Variants in DEPDC5 observed in about 807,000 individuals in gnomAD.
DEPDC5 encodes GATOR1 complex protein DEPDC5.
DEPDC5 carries 73 observed loss-of-function variants against 217.3 expected under a neutral mutation model. The observed-to-expected ratio is 0.34, with a 90% CI of 0.28 to 0.41. The LOEUF (loss-of-function observed/expected upper bound fraction) is 0.41. Ranked by LOEUF, DEPDC5 falls within the 10% of genes least tolerant of loss-of-function variation. DEPDC5 has a pLI of 1.00. For missense variants in DEPDC5, 1,675 were observed against 2,070.1 expected (o/e 0.81, Z 3.70); for synonymous variants, 733 against 756.7 (o/e 0.97, Z 0.51).
intron 38 of DEPDC5, among the ~76,000 whole-genome samples, chr22:31,881,043 G>T (rs572081649): frequency 1.1e-4 from 16 of 151,508 alleles, no homozygotes; most frequent in African/African-American, 3.4e-4. Context: ...CAAACGCTGT[G>T]GCTCATGCCT....
At chr22:31,807,464 C>G (rs535680281) in intron 18 of DEPDC5, among the ~76,000 whole-genome samples, 1 of 152,326 alleles carries the variant, frequency 6.6e-6, no homozygotes, top group East Asian at 1.9e-4. Flanking sequence ...TGGAATCTTG[C>G]TCTGTCTCCC....
At chr22:31,880,971 C>T (rs748646117) in intron 38 of DEPDC5, among the ~76,000 whole-genome samples, 17 of 150,144 alleles carry the variant, frequency 1.1e-4, no homozygotes, top group African/African-American at 2.9e-4. Context: ...GCCGAGATCG[C>T]GCCACTGTAC....
At chr22:31,905,654 C>T (rs1019792956) in intron 41 of DEPDC5, among the ~76,000 whole-genome samples, 4 of 151,728 alleles carry the variant, frequency 2.6e-5, no homozygotes, top group African/African-American at 4.8e-5. Context: ...GTAGGAGGGA[C>T]GGGCTGTCTG....
In DEPDC5 at chr22:31,797,500, G is replaced by T; in HGVS notation, c.768-100G>T. The T allele has an allele frequency of 4.2e-6, 4 of 946,960 alleles. No homozygotes were observed. The South Asian group carries it at 5.7e-5, about 13-fold the overall frequency. The allele number at this position is 946,960 out of a possible 1,614,324, so 58.7% of individuals were successfully genotyped here. A position where few individuals can be genotyped will look rare whatever the true frequency, so the allele number is the denominator to read the frequency against. On this transcript the variant is annotated intron_variant, in intron 12 of 42. Transcript: ENST00000651528. Reference sequence around the variant, plus strand: ...TCACCTCCCACCAGGTTCCTCCCTCGACACATGGGTATTACAATTTGAGAT... The same window carrying T: ...TCACCTCCCACCAGGTTCCTCCCTCTACACATGGGTATTACAATTTGAGAT...
chr22:31,861,497 G>T (rs1040200159), intron 33 of DEPDC5, 64 bp downstream of exon 33: 3 of 1,521,658 alleles, frequency 2.0e-6, no homozygotes, highest in Non-Finnish European at 2.7e-6. Flanking sequence ...CTGGCCTTCT[G>T]TTAGGCTCTG....
intron 31 of DEPDC5, among the ~76,000 whole-genome samples, chr22:31,855,052 C>T (rs1315776483): frequency 1.3e-5 from 2 of 151,216 alleles, no homozygotes; most frequent in Non-Finnish European, 2.9e-5. Flanking sequence ...GCAACCTCTG[C>T]CTCCCAGGTT....
intron 31 of DEPDC5, among the ~76,000 whole-genome samples, chr22:31,850,820 C>T (rs1329114524): frequency 1.3e-5 from 2 of 152,158 alleles, no homozygotes; most frequent in African/African-American, 2.4e-5. Context: ...CCTGTAATCC[C>T]AGCACTTTGG....
chr22:31,774,826 G>T (rs1299220794), intron 7 of DEPDC5, among the ~76,000 whole-genome samples: 3 of 151,990 alleles, frequency 2.0e-5, no homozygotes, highest in African/African-American at 7.2e-5. Flanking sequence ...GTTTTACCAC[G>T]TTGGCCAGGA....
At chr22:31,855,884 G>T (rs1281993189) in intron 31 of DEPDC5, among the ~76,000 whole-genome samples, 13 of 152,076 alleles carry the variant, frequency 8.5e-5, no homozygotes, top group Non-Finnish European at 1.6e-4. Context: ...TGCATCCCTG[G>T]TATGTGATTA....
At position 31,819,990 on chromosome 22, in the gene DEPDC5, A is replaced by T. The variant is rs577719414; in HGVS notation, c.1870+765A>T. 2.0e-5 allele frequency among the ~76,000 whole-genome samples: 3 copies of T among 152,094 alleles called. No homozygotes were observed. In the South Asian group the frequency reaches 6.2e-4, roughly 32 times the overall value. On this transcript the variant is annotated intron_variant, in intron 22 of 42. Transcript: ENST00000651528. The stretch of plus-strand genomic sequence containing the variant: ...ACTTTTTCCTAGTCCATTCTTTTTT[A>T]TCTATATTCTGTTCTCAAGAAGATG...
intron 41 of DEPDC5, among the ~76,000 whole-genome samples, chr22:31,902,853 CA>C (rs1354736348): frequency 3.3e-5 from 5 of 152,064 alleles, no homozygotes; most frequent in African/African-American, 9.7e-5. Flanking sequence ...CAGCAGTCAC[CA>C]GGGGGGACCC....
At chr22:31,863,173 G>GT (rs1397799749) in intron 33 of DEPDC5, among the ~76,000 whole-genome samples, 3 of 151,734 alleles carry the variant, frequency 2.0e-5, no homozygotes, top group African/African-American at 7.3e-5. Flanking sequence ...GTGGTTTTTT[G>GT]TTTTTGTGTT....
intron 7 of DEPDC5, among the ~76,000 whole-genome samples, chr22:31,776,722 C>T (rs1262190550): frequency 6.6e-6 from 1 of 151,488 alleles, no homozygotes; most frequent in African/African-American, 2.4e-5. Flanking sequence ...TATAGGTACC[C>T]ACCACCATGC....
chr22:31,777,087 C>T (rs1401762821), intron 7 of DEPDC5, among the ~76,000 whole-genome samples: 1 of 148,474 alleles, frequency 6.7e-6, no homozygotes, highest in Non-Finnish European at 1.5e-5. Context: ...CTAAGCCTCC[C>T]TAAGTAGCTG....
intron 18 of DEPDC5, among the ~76,000 whole-genome samples, chr22:31,808,601 AT>A (rs1253394441): frequency 6.6e-6 from 1 of 151,756 alleles, no homozygotes; most frequent in Non-Finnish European, 1.5e-5. Context: ...CGCCCAGCTA[AT>A]TTTTTGTGTT....
intron 12 of DEPDC5, among the ~76,000 whole-genome samples, chr22:31,796,270 T>G (rs1175293737): frequency 6.6e-6 from 1 of 151,722 alleles, no homozygotes; most frequent in Non-Finnish European, 1.5e-5. Flanking sequence ...CCGGCTAATT[T>G]TTTTTGTATT....
chr22:31,868,814 G>A (rs2092759041), intron 33 of DEPDC5, among the ~76,000 whole-genome samples: 1 of 152,188 alleles, frequency 6.6e-6, no homozygotes, highest in Admixed American at 6.5e-5. Context: ...CCTCAAGTTA[G>A]GAGGTTCTAA....
At chr22:31,819,554 A>G (rs1220618134) in intron 22 of DEPDC5, among the ~76,000 whole-genome samples, 3 of 149,896 alleles carry the variant, frequency 2.0e-5, no homozygotes, top group African/African-American at 7.4e-5. Context: ...CTGCAGCCTC[A>G]ACCTTCAGGG....
intron 24 of DEPDC5, among the ~76,000 whole-genome samples, chr22:31,824,822 AT>A (rs1157477774): frequency 1.3e-5 from 2 of 151,976 alleles, no homozygotes; most frequent in African/African-American, 2.4e-5. Flanking sequence ...CAAAAAAAAA[AT>A]AAAATAACTG....
Sources: gnomAD v4.1 joint callset for allele counts (sites outside exome capture counted in the v4.1 genomes callset) on GRCh38, gnomAD v4.1.1 for gene constraint, MANE v1.5 for transcripts, NCBI Gene and HGNC (gene_info 2026-07-23, HGNC 2026-07-21) for gene names.